The following ILKAP variants were observed in gnomAD, a reference collection of about 807,000 sequenced individuals.
ILKAP encodes the protein ILK associated serine/threonine phosphatase.
ILKAP carries 11 observed loss-of-function variants against 49.1 expected under a neutral mutation model. The observed-to-expected ratio is 0.22, with a 90% CI of 0.14 to 0.37. The LOEUF (loss-of-function observed/expected upper bound fraction) is 0.37. Among genes scored for constraint, ILKAP ranks in the 10% least tolerant of loss-of-function variants. The pLI is 1.00. For missense variants in ILKAP, 363 were observed against 510.8 expected, an observed-to-expected ratio of 0.71 and a Z score of 2.79; for synonymous variants, 186 against 192.8, an observed-to-expected ratio of 0.96 and a Z score of 0.29.
At chr2:238,200,927 G>A (rs1222389057) in intron 1 of ILKAP, among the ~76,000 whole-genome samples, 2 of 152,256 alleles carry the variant, frequency 1.3e-5, no homozygotes, top group Non-Finnish European at 2.9e-5. Flanking sequence ...AGTGGCAAGT[G>A]TCACCCCTTT....
At chr2:238,173,926 G>A (rs891810730) in intron 9 of ILKAP, 6 of 436,672 alleles carry the variant, frequency 1.4e-5, no homozygotes, top group African/African-American at 2.0e-5. Context: ...CTTAACCTTC[G>A]ACAGGACTCA....
At chr2:238,183,870 G>A (rs1693795031) in intron 7 of ILKAP, 130 bp from the exon 8 acceptor site, 1 of 973,738 alleles carries the variant, frequency 1.0e-6, no homozygotes, top group Non-Finnish European at 1.6e-6. Flanking sequence ...CTTTTTTTCT[G>A]TTTTAGATTT....
chr2:238,202,122 G>A (rs1450430751), intron 1 of ILKAP, among the ~76,000 whole-genome samples: 1 of 152,218 alleles, frequency 6.6e-6, no homozygotes, highest in African/African-American at 2.4e-5. Flanking sequence ...CTAGTAGGGA[G>A]GCCTAGGCAG....
intron 1 of ILKAP, among the ~76,000 whole-genome samples, chr2:238,202,943 G>A (rs184528237): frequency 8.8e-4 from 133 of 151,854 alleles, no homozygotes; most frequent in Non-Finnish European, 1.5e-3. Flanking sequence ...TGACAGAGGA[G>A]GCATCCTGTC....
chr2:238,177,909 T>C (rs1158529346), intron 9 of ILKAP, among the ~76,000 whole-genome samples: 2 of 152,198 alleles, frequency 1.3e-5, no homozygotes, highest in South Asian at 2.1e-4. Context: ...TTTTCCATAG[T>C]GGCTACACCA....
At chr2:238,201,192 T>C (rs1694555269) in intron 1 of ILKAP, among the ~76,000 whole-genome samples, 2 of 149,748 alleles carry the variant, frequency 1.3e-5, no homozygotes, top group Non-Finnish European at 3.0e-5. Flanking sequence ...TTTTTTTTTT[T>C]TAAATCACAG....
chr2:238,177,484 T>C (rs749254428), intron 9 of ILKAP, among the ~76,000 whole-genome samples: 5 of 152,138 alleles, frequency 3.3e-5, no homozygotes, highest in Non-Finnish European at 7.4e-5. Context: ...CCACGATTCA[T>C]TCCCCAGAAT....
At chr2:238,172,526 C>T (rs1051244253) in intron 10 of ILKAP, among the ~76,000 whole-genome samples, 3 of 152,266 alleles carry the variant, frequency 2.0e-5, no homozygotes, top group Middle Eastern at 3.4e-3. Context: ...GGAAGGCGAG[C>T]TAGGAAGCAA....
At chr2:238,203,460 T>C in intron 1 of ILKAP, 39 bp downstream of exon 1, 23 of 1,200,790 alleles carry the variant, frequency 1.9e-5, no homozygotes, top group Non-Finnish European at 2.4e-5. Flanking sequence ...TCCCGCCTGC[T>C]CTCCCTTCCC....
chr2:238,181,603 A>T (rs1262145927), intron 9 of ILKAP, among the ~76,000 whole-genome samples: 1 of 151,712 alleles, frequency 6.6e-6, no homozygotes, highest in Admixed American at 6.6e-5. Flanking sequence ...TTCAATGTGA[A>T]AAGTGACAGG....
At chr2:238,171,958 A>G (rs1017163764) in intron 10 of ILKAP, among the ~76,000 whole-genome samples, 1 of 152,158 alleles carries the variant, frequency 6.6e-6, no homozygotes, top group African/African-American at 2.4e-5. Flanking sequence ...GGGAATACGC[A>G]TCCCCACAGC....
intron 6 of ILKAP, among the ~76,000 whole-genome samples, chr2:238,184,841 C>T (rs1693839304): frequency 6.6e-6 from 1 of 152,022 alleles, no homozygotes; most frequent in African/African-American, 2.4e-5. Flanking sequence ...GTGTGAGCCA[C>T]CGTGCCCAGC....
intron 1 of ILKAP, among the ~76,000 whole-genome samples, chr2:238,201,437 T>C (rs2106343009): frequency 6.6e-6 from 1 of 152,336 alleles, no homozygotes; most frequent in Middle Eastern, 3.4e-3. Context: ...GTTGACAATG[T>C]CAGTGCCCTC....
intron 9 of ILKAP, among the ~76,000 whole-genome samples, chr2:238,180,506 T>C (rs576839018): frequency 2.0e-5 from 3 of 152,358 alleles, no homozygotes; most frequent in Admixed American, 2.0e-4. Flanking sequence ...GCTAGTAGAT[T>C]TGGAAATGTT....
At chr2:238,195,019 A>G in intron 1 of ILKAP, 149 bp from the exon 2 acceptor site, 2 of 613,064 alleles carry the variant, frequency 3.3e-6, no homozygotes, top group Non-Finnish European at 5.8e-6. Flanking sequence ...TTTTTAAAAC[A>G]TATTTTCTTA....
At chr2:238,196,562 C>T (rs4663861) in intron 1 of ILKAP, among the ~76,000 whole-genome samples, 35,362 of 152,050 alleles carry the variant, frequency 0.23, 4,435 homozygotes, top group East Asian at 0.48. Context: ...AATTTATATC[C>T]CCCAAGAGGG....
intron 9 of ILKAP, among the ~76,000 whole-genome samples, chr2:238,177,131 C>A (rs1693495913): frequency 6.6e-6 from 1 of 152,138 alleles, no homozygotes; most frequent in Non-Finnish European, 1.5e-5. Context: ...TACATAGCTA[C>A]CTTCAATGTA....
chr2:238,191,904 C>CA (rs533953653), intron 3 of ILKAP, among the ~76,000 whole-genome samples: 2,468 of 117,934 alleles, frequency 0.021, 18 homozygotes, highest in South Asian at 0.072. Context: ...GGCTCCATCT[C>CA]AAAAAAAAAA....
chr2:238,173,739 T>A, intron 9 of ILKAP, 86 bp from the exon 10 acceptor site: 1 of 1,431,930 alleles, frequency 7.0e-7, no homozygotes, highest in Non-Finnish European at 9.6e-7. Flanking sequence ...AAGCAGAGAA[T>A]GGAAGTGTGA....
Sources: allele counts gnomAD v4.1 joint callset (sites outside exome capture counted in the v4.1 genomes callset), GRCh38; gene constraint gnomAD v4.1.1; transcripts MANE v1.5; gene names NCBI Gene and HGNC (gene_info 2026-07-23, HGNC 2026-07-21).